The following NHSL1 variants were observed in gnomAD, a reference collection of about 807,000 sequenced individuals.
The protein encoded by NHSL1 is NHS like 1, also known as NHS-like protein 1.
NHSL1 carries 48 observed loss-of-function variants against 95.0 expected under a neutral mutation model. The observed-to-expected ratio is 0.51, with a 90% CI of 0.40 to 0.64. The LOEUF (loss-of-function observed/expected upper bound fraction) is 0.64. Ranked by LOEUF, NHSL1 falls within the 30% of genes least tolerant of loss-of-function variation. The pLI, the probability that NHSL1 is intolerant of heterozygous loss-of-function variation, is 0.00. For synonymous variants in NHSL1, 783 were observed against 833.9 expected (o/e 0.94, Z 1.05); for missense variants, 1,971 against 2,077.7 (o/e 0.95, Z 1.00).
chr6:138,573,080 G>A (rs930567762), upstream of NHSL1, among the ~76,000 whole-genome samples: 3 of 152,114 alleles, frequency 2.0e-5, no homozygotes, highest in African/African-American at 4.8e-5. Flanking sequence ...CTCCTCTGCC[G>A]TATCACTGGG....
intron 1 of NHSL1, among the ~76,000 whole-genome samples, chr6:138,644,338 T>C (rs1467213259): frequency 6.6e-6 from 1 of 152,016 alleles, no homozygotes; most frequent in Non-Finnish European, 1.5e-5. Flanking sequence ...TGGTGTCTAC[T>C]AAAAATACAA....
rs1776915723 is a variant in NHSL1, at chr6:138,447,142, T to C, written c.391A>G (p.Lys131Glu). The C allele has an allele frequency of 6.4e-7, 1 of 1,551,670 alleles. No homozygotes were observed. Among genetic ancestry groups the C allele is most frequent in the African/African-American group, 1.4e-5 (1 of 73,064 alleles). Residue 131 changes from lysine to glutamate, a missense_variant, in exon 4 of 8, where the codon AAA becomes GAA. Lys to Glu is a moderately conservative substitution (Grantham distance 56, BLOSUM62 1). Coordinates refer to ENST00000343505, the MANE Select transcript of NHSL1 (RefSeq NM_001144060.2). ...GAGAAGTCACTTGAGGCTGGTGTTT[T>C]AGGTCTCCTGATGGAAATAAATCTT... ...EERFISIRRPKTPASSDFSDL... is the reference protein window; with the variant it reads ...EERFISIRRPETPASSDFSDL...
At chr6:138,574,642 C>T (rs972643288), upstream of NHSL1, among the ~76,000 whole-genome samples, 3 of 135,554 alleles carry the variant, frequency 2.2e-5, no homozygotes, top group African/African-American at 8.9e-5. Context: ...GCCTGGGAAA[C>T]ATGGCAAAAC....
chr6:138,545,982 C>T (rs545623731), upstream of NHSL1: 2 of 204,840 alleles, frequency 9.8e-6, no homozygotes, highest in East Asian at 3.7e-4. Context: ...GCATTTTCCA[C>T]CACAGCGGAT....
intron 1 of NHSL1, among the ~76,000 whole-genome samples, chr6:138,506,726 T>C (rs114345846): frequency 0.012 from 1,757 of 152,258 alleles, 38 homozygotes; most frequent in African/African-American, 0.039. Flanking sequence ...AGAAGAACCA[T>C]TGGTTAGTAA....
At chr6:138,575,178 C>T (rs1047857763), upstream of NHSL1, among the ~76,000 whole-genome samples, 15 of 152,172 alleles carry the variant, frequency 9.9e-5, no homozygotes, top group Admixed American at 6.5e-5. Context: ...GGATTACAGA[C>T]ATGAGCCACC....
chr6:138,533,968 C>T (rs1782237790), intron 1 of NHSL1, among the ~76,000 whole-genome samples: 1 of 152,198 alleles, frequency 6.6e-6, no homozygotes, highest in Non-Finnish European at 1.5e-5. Context: ...AACTTTTCTC[C>T]TCCTCTATGA....
intron 1 of NHSL1, among the ~76,000 whole-genome samples, chr6:138,615,976 G>A (rs1023948020): frequency 6.6e-6 from 1 of 152,222 alleles, no homozygotes; most frequent in African/African-American, 2.4e-5. Context: ...GATCGCTTGA[G>A]CCCAGGAGTT....
intron 1 of NHSL1, among the ~76,000 whole-genome samples, chr6:138,563,363 T>G (rs376861274): frequency 1.3e-4 from 20 of 152,202 alleles, no homozygotes; most frequent in African/African-American, 4.1e-4. Context: ...ACGTCAACAC[T>G]GAGATACCAA....
chr6:138,438,073 T>G (rs1776302016), intron 5 of NHSL1, among the ~76,000 whole-genome samples: 2 of 152,360 alleles, frequency 1.3e-5, no homozygotes, highest in South Asian at 4.1e-4. Context: ...GACTCAAATT[T>G]TTAAAGTAGT....
intron 3 of NHSL1, among the ~76,000 whole-genome samples, chr6:138,449,751 T>C (rs953146456): frequency 6.6e-6 from 1 of 152,140 alleles, no homozygotes; most frequent in African/African-American, 2.4e-5. Flanking sequence ...AGTCATGAAT[T>C]GACATGTACT....
intron 1 of NHSL1, among the ~76,000 whole-genome samples, chr6:138,600,304 G>A (rs1262489247): frequency 6.6e-6 from 1 of 152,096 alleles, no homozygotes; most frequent in African/African-American, 2.4e-5. Flanking sequence ...CACAATGATG[G>A]CTCATGGCAG....
chr6:138,662,813 GA>G (rs1261721794), intron 1 of NHSL1, among the ~76,000 whole-genome samples: 11 of 147,812 alleles, frequency 7.4e-5, no homozygotes, highest in Admixed American at 1.3e-4. Flanking sequence ...TGTCTCAGAA[GA>G]AAAAAAAAAT....
At position 138,652,214 on chromosome 6, in the gene NHSL1, G is replaced by A. The variant is rs376253393; in HGVS notation, c.96+40262C>T. On this transcript the variant is annotated intron_variant, in intron 1 of 3. Transcript: ENST00000491526. ...CCCAGCACTGTGGGAGGCTGAGGTG[G>A]GCAGATCACCTGAGGTCAGGAGTTC... Among the ~76,000 whole-genome samples the A allele has an allele frequency of 1.5e-4, 23 of 152,110 alleles. No individual in the cohort carries two copies. In the East Asian group the frequency reaches 4.3e-3, roughly 28 times the overall value.
At chr6:138,455,493 G>GAA (rs1358699605) in intron 3 of NHSL1, among the ~76,000 whole-genome samples, 10,016 of 81,494 alleles carry the variant, frequency 0.12, 1,035 homozygotes, top group East Asian at 0.27. Context: ...CTCCCTGCAA[G>GAA]GAGCCCCGCC....
chr6:138,537,464 ATAC>A (rs1163500091), intron 1 of NHSL1, among the ~76,000 whole-genome samples: 1 of 152,248 alleles, frequency 6.6e-6, no homozygotes, highest in Non-Finnish European at 1.5e-5. Context: ...CTATGTAGAA[ATAC>A]TACATTTGCA....
At position 138,515,581 on chromosome 6, in the gene NHSL1, T is replaced by C. The variant is rs535329040; in HGVS notation, c.17-19210A>G. ...CCTGGAGGACAGGAACTGGGCCATA[T>C]TGGCTTTGGAGATGCCAGTAAGTTA... is the stretch of plus-strand genomic sequence containing the variant. On this transcript the variant is annotated intron_variant, in intron 1 of 4. Coordinates refer to the NHSL1 transcript ENST00000342260. 5.9e-5 allele frequency among the ~76,000 whole-genome samples: 9 copies of C among 152,362 alleles called. No individual in the cohort carries two copies. The South Asian group carries it at 1.9e-3, about 32-fold the overall frequency.
intron 1 of NHSL1, among the ~76,000 whole-genome samples, chr6:138,681,533 G>C (rs1449849552): frequency 6.6e-6 from 1 of 152,200 alleles, no homozygotes; most frequent in Non-Finnish European, 1.5e-5. Flanking sequence ...CCACCAACTA[G>C]CTAATGAGCA....
intron 3 of NHSL1, among the ~76,000 whole-genome samples, chr6:138,457,878 C>T (rs570205357): frequency 1.8e-4 from 27 of 151,970 alleles, no homozygotes; most frequent in Non-Finnish European, 7.4e-5. Context: ...CATGGTGGCA[C>T]GTGCCTGTGG....
Sources: gnomAD v4.1 joint callset for allele counts (sites outside exome capture counted in the v4.1 genomes callset) on GRCh38, gnomAD v4.1.1 for gene constraint, MANE v1.5 for transcripts, NCBI Gene and HGNC (gene_info 2026-07-23, HGNC 2026-07-21) for gene names.